RASGRP3: variants seen among roughly 807,000 people sequenced by gnomAD.
RASGRP3 encodes the protein ras guanyl-releasing protein 3.
A neutral mutation model predicts 82.7 loss-of-function variants in RASGRP3; 54 were observed. The ratio of observed to expected loss-of-function variants is 0.65; its 90% CI spans 0.52 to 0.82. The LOEUF is 0.82. Among genes scored for constraint, RASGRP3 ranks in the 40% least tolerant of loss-of-function variants. The probability of loss-of-function intolerance (pLI) is 0.00; values close to 1 mark genes in which losing one functional copy is unlikely to be tolerated. For synonymous variants in RASGRP3, 309 were observed against 300.5 expected, an observed-to-expected ratio of 1.03 and a Z score of -0.29; for missense variants, 861 against 828.9, an observed-to-expected ratio of 1.04 and a Z score of -0.48.
At chr2:33,436,356 C>T (rs1027066300) in exon 1 of RASGRP3, 12 of 152,202 alleles carry the variant, frequency 7.9e-5, no homozygotes, top group Admixed American at 2.0e-4. Context: ...TCATTGAGCT[C>T]AAAGCTTAGC....
At chr2:33,449,962 G>A (rs903652883) in intron 2 of RASGRP3, among the ~76,000 whole-genome samples, 1 of 151,956 alleles carries the variant, frequency 6.6e-6, no homozygotes, top group Non-Finnish European at 1.5e-5. Flanking sequence ...GATTTCTTTG[G>A]GCCAGAAATT....
chr2:33,473,129 A>G (rs10168103), upstream of RASGRP3, among the ~76,000 whole-genome samples: 34,599 of 151,644 alleles, frequency 0.23, 4,279 homozygotes, highest in South Asian at 0.32. Flanking sequence ...TTGGGAGGCC[A>G]AGGTGGGCAG....
intron 13 of RASGRP3, among the ~76,000 whole-genome samples, chr2:33,547,301 G>C (rs532992413): frequency 1.6e-4 from 22 of 139,736 alleles, no homozygotes; most frequent in Admixed American, 4.6e-4. Flanking sequence ...TTAGGTGCTA[G>C]GCTGTGCCAA....
chr2:33,490,235 C>G lies in RASGRP3; in HGVS notation c.-261+13528C>G, dbSNP rs1668733686. ...ATCGGTCTGCTTCAGTAACTCTCATCTTTTAAAAATATCCTTTGCTTGCCA... is the reference window on the plus strand; with the variant it reads ...ATCGGTCTGCTTCAGTAACTCTCATGTTTTAAAAATATCCTTTGCTTGCCA... On this transcript the variant is annotated intron_variant, in intron 1 of 17. Coordinates refer to ENST00000403687, the MANE Select transcript of RASGRP3 (RefSeq NM_001139488.2). 3.3e-5 allele frequency among the ~76,000 whole-genome samples: 5 copies of G among 152,174 alleles called. No homozygotes were observed. In the South Asian group the frequency reaches 1.0e-3, roughly 32 times the overall value.
chr2:33,492,106 C>T (rs1472047589), intron 1 of RASGRP3, among the ~76,000 whole-genome samples: 5 of 152,222 alleles, frequency 3.3e-5, no homozygotes, highest in Admixed American at 1.3e-4. Context: ...ATTTTTGTGA[C>T]TCCAAACAAC....
chr2:33,483,714 C>G (rs1378279090), intron 1 of RASGRP3, among the ~76,000 whole-genome samples: 4 of 152,064 alleles, frequency 2.6e-5, no homozygotes, highest in Admixed American at 2.6e-4. Context: ...GTCTTGAATT[C>G]CTGACCTTAA....
Position 33,562,976 on chromosome 2 carries a change from G to GTGT in RASGRP3, c.*241_*243dup, listed in dbSNP as rs1293722536. On this transcript the variant is annotated 3_prime_UTR_variant, in exon 18 of 18. Transcript: ENST00000403687. Reference sequence around the variant, plus strand: ...CCCCTAGTTAAGTGCCACAAAGACTGTGTTATGTAGTCAGTACTTTTTTCT... The same window carrying GTGT: ...CCCCTAGTTAAGTGCCACAAAGACTGTGTTGTTATGTAGTCAGTACTTTTTTCT... The GTGT allele has an allele frequency of 1.1e-5, 6 of 535,452 alleles. No homozygotes were observed. The African/African-American group carries it at 1.4e-4, about 12-fold the overall frequency. 33.2% of individuals were successfully genotyped at this position (535,452 alleles called of 1,614,324 possible).
At chr2:33,463,542 T>C (rs1666497226) in intron 2 of RASGRP3, among the ~76,000 whole-genome samples, 1 of 150,990 alleles carries the variant, frequency 6.6e-6, no homozygotes, top group Non-Finnish European at 1.5e-5. Flanking sequence ...GGCTGGGGTG[T>C]AGAGGCCTCC....
At chr2:33,482,582 A>G (rs1166339985) in intron 1 of RASGRP3, 2 of 152,174 alleles carry the variant, frequency 1.3e-5, no homozygotes, top group Non-Finnish European at 2.9e-5. Context: ...ACTACCATGA[A>G]TAGTGTCCAC....
At chr2:33,505,092 G>T (rs1003768034) in intron 1 of RASGRP3, among the ~76,000 whole-genome samples, 1 of 151,876 alleles carries the variant, frequency 6.6e-6, no homozygotes, top group African/African-American at 2.4e-5. Context: ...AACATGAAGA[G>T]CACCTAAATG....
chr2:33,512,116 G>A (rs879318779), intron 2 of RASGRP3, among the ~76,000 whole-genome samples: 1 of 152,218 alleles, frequency 6.6e-6, no homozygotes, highest in Non-Finnish European at 1.5e-5. Flanking sequence ...GGTGACAGAA[G>A]GTGGAGCAGA....
At chr2:33,469,517 T>C (rs1024325759) in intron 2 of RASGRP3, among the ~76,000 whole-genome samples, 18 of 151,874 alleles carry the variant, frequency 1.2e-4, no homozygotes, top group Non-Finnish European at 2.4e-4. Context: ...CTGAGTGCAG[T>C]GGCGCGATCT....
At chr2:33,440,191 G>A (rs1665150206) in intron 1 of RASGRP3, among the ~76,000 whole-genome samples, 1 of 152,152 alleles carries the variant, frequency 6.6e-6, no homozygotes, top group Non-Finnish European at 1.5e-5. Flanking sequence ...AGCTGAGAAT[G>A]GAAAACAGCT....
intron 1 of RASGRP3, among the ~76,000 whole-genome samples, chr2:33,478,388 G>T (rs1667567763): frequency 6.6e-6 from 1 of 152,114 alleles, no homozygotes; most frequent in Non-Finnish European, 1.5e-5. Flanking sequence ...CTGGGGGAGG[G>T]GGTTCCTCCT....
intron 4 of RASGRP3, among the ~76,000 whole-genome samples, chr2:33,517,849 A>G (rs1671613160): frequency 6.6e-6 from 1 of 152,194 alleles, no homozygotes; most frequent in Non-Finnish European, 1.5e-5. Context: ...AGGCATAGTA[A>G]CGTTTAATGT....
At chr2:33,450,907 G>A (rs571600395) in intron 2 of RASGRP3, among the ~76,000 whole-genome samples, 6 of 121,228 alleles carry the variant, frequency 4.9e-5, no homozygotes, top group Admixed American at 1.1e-4. Flanking sequence ...GCATGATCTC[G>A]GCTCACTGCA....
chr2:33,521,578 T>G (rs1241057018), intron 6 of RASGRP3, among the ~76,000 whole-genome samples: 1 of 152,256 alleles, frequency 6.6e-6, no homozygotes, highest in East Asian at 1.9e-4. Flanking sequence ...TAGTTCATGT[T>G]ATACTAAAGT....
At chr2:33,504,960 T>A (rs1670221658) in intron 1 of RASGRP3, among the ~76,000 whole-genome samples, 1 of 152,188 alleles carries the variant, frequency 6.6e-6, no homozygotes, top group Non-Finnish European at 1.5e-5. Context: ...AAGACCTCAT[T>A]GCATTTTTTG....
intron 4 of RASGRP3, among the ~76,000 whole-genome samples, chr2:33,518,132 T>G (rs1671636733): frequency 6.6e-6 from 1 of 152,190 alleles, no homozygotes; most frequent in African/African-American, 2.4e-5. Flanking sequence ...AAATTCATCA[T>G]TCGATGATTT....
Sources: gnomAD v4.1 joint callset for allele counts (sites outside exome capture counted in the v4.1 genomes callset) on GRCh38, gnomAD v4.1.1 for gene constraint, MANE v1.5 for transcripts, NCBI Gene and HGNC (gene_info 2026-07-23, HGNC 2026-07-21) for gene names.